Variants in CSMD1 observed in about 807,000 individuals in gnomAD.
CSMD1 encodes CUB and Sushi multiple domains 1.
In CSMD1, 213 loss-of-function variants were observed where a neutral mutation model predicts 417.5. The ratio of observed to expected loss-of-function variants is 0.51; its 90% CI spans 0.46 to 0.57. The LOEUF (loss-of-function observed/expected upper bound fraction) is 0.57. Among genes scored for constraint, CSMD1 ranks in the 20% least tolerant of loss-of-function variants. The pLI is 0.00. For synonymous variants in CSMD1, 2,862 were observed against 1,736.8 expected, an observed-to-expected ratio of 1.65 and a Z score of -16.11; for missense variants, 6,923 against 4,529.7, an observed-to-expected ratio of 1.53 and a Z score of -15.17.
At chr8:3,252,320 C>T (rs920288176) in intron 26 of CSMD1, among the ~76,000 whole-genome samples, 1 of 152,134 alleles carries the variant, frequency 6.6e-6, no homozygotes, top group Non-Finnish European at 1.5e-5. Flanking sequence ...TTGGGATTAT[C>T]ACGTGGTTTT....
At chr8:4,714,849 T>A (rs758238308) in intron 1 of CSMD1, among the ~76,000 whole-genome samples, 1 of 152,208 alleles carries the variant, frequency 6.6e-6, no homozygotes. Context: ...TTGCTCCAAA[T>A]TCTTAAAACC....
intron 10 of CSMD1, among the ~76,000 whole-genome samples, chr8:3,509,769 T>C (rs1796986363): frequency 6.6e-6 from 1 of 152,340 alleles, no homozygotes; most frequent in East Asian, 1.9e-4. Context: ...CCAAGGGGTC[T>C]GCTTGATGCC....
At chr8:4,194,642 G>A (rs560128568) in intron 3 of CSMD1, among the ~76,000 whole-genome samples, 1 of 151,884 alleles carries the variant, frequency 6.6e-6, no homozygotes, top group Admixed American at 6.6e-5. Flanking sequence ...ACATTTTCTT[G>A]CAAGGAAAAT....
chr8:3,413,391 C>G (rs952712653), intron 12 of CSMD1, among the ~76,000 whole-genome samples: 1 of 152,094 alleles, frequency 6.6e-6, no homozygotes, highest in Non-Finnish European at 1.5e-5. Context: ...TTAGCTGATC[C>G]CACCAAAGAG....
Position 3,406,219 on chromosome 8 carries a change from A to C in CSMD1, c.2074T>G (p.Phe692Val), listed in dbSNP as rs752091701. The change falls in exon 15 of 70, where the codon TTT becomes GTT. Residue 692 changes from phenylalanine to valine, a missense_variant and splice_region_variant. Physicochemically the swap from Phe to Val is conservative, Grantham distance 50. Coordinates refer to ENST00000635120, the MANE Select transcript of CSMD1 (RefSeq NM_033225.6). The part of the protein sequence containing the change: ...GRGFNITYTT[F>V]GQNECHDPGI... ...GGATCATGGCACTCATTCTGACCAA[A>C]TGCTGAAAGAAAAAGAAGAAGAAAA... 9 of 1,592,314 alleles carry C rather than the reference A, an allele frequency of 5.7e-6. No homozygotes were observed. The highest frequency in any genetic ancestry group is 2.3e-5 in the East Asian group (1 of 44,336).
intron 37 of CSMD1, among the ~76,000 whole-genome samples, chr8:3,168,560 G>C (rs1820377384): frequency 6.6e-6 from 1 of 151,868 alleles, no homozygotes. Context: ...CATGATTATA[G>C]ACAGCTATAA....
At chr8:3,901,593 C>G (rs1231473836) in intron 5 of CSMD1, among the ~76,000 whole-genome samples, 2 of 152,188 alleles carry the variant, frequency 1.3e-5, no homozygotes, top group African/African-American at 4.8e-5. Context: ...CCTTGGGGCT[C>G]AGATCTTTTG....
intron 1 of CSMD1, among the ~76,000 whole-genome samples, chr8:4,784,353 G>A (rs994822587): frequency 6.6e-6 from 1 of 152,158 alleles, no homozygotes; most frequent in African/African-American, 2.4e-5. Context: ...AATTCCCCCT[G>A]CAGGGTCATT....
intron 51 of CSMD1, among the ~76,000 whole-genome samples, chr8:3,024,891 G>A (rs893608615): frequency 6.6e-6 from 1 of 152,224 alleles, no homozygotes; most frequent in African/African-American, 2.4e-5. Context: ...GACAACTGTT[G>A]TTCGTACTGT....
intron 3 of CSMD1, among the ~76,000 whole-genome samples, chr8:4,131,647 A>G (rs914280423): frequency 1.6e-4 from 24 of 152,184 alleles, no homozygotes; most frequent in African/African-American, 5.8e-4. Flanking sequence ...GTTCTCAAGT[A>G]AATAAAACTT....
intron 3 of CSMD1, among the ~76,000 whole-genome samples, chr8:4,312,831 G>A (rs763003977): frequency 2.6e-4 from 39 of 152,198 alleles, no homozygotes; most frequent in Admixed American, 3.3e-4. Flanking sequence ...CTGAGATCGC[G>A]CCAGGCAAGG....
At chr8:4,830,004 G>C (rs143691038) in intron 1 of CSMD1, among the ~76,000 whole-genome samples, 10 of 152,102 alleles carry the variant, frequency 6.6e-5, no homozygotes, top group African/African-American at 1.9e-4. Context: ...CCGTGCTCTC[G>C]TGATGAACTG....
Position 3,770,967 on chromosome 8 carries a change from C to A in CSMD1, c.819-16925G>T, listed in dbSNP as rs956211828. On this transcript the variant is annotated intron_variant, in intron 5 of 69. Transcript: ENST00000635120. The stretch of plus-strand genomic sequence containing the variant: ...CAATAGGAGGTAAGCAGAAATTGCC[C>A]AGTGCATGTTAATTTGGACAGTTTC... Among the ~76,000 whole-genome samples the A allele has an allele frequency of 5.3e-5, 8 of 151,980 alleles. No individual in the cohort carries two copies. In the East Asian group the frequency reaches 1.5e-3, roughly 29 times the overall value.
intron 5 of CSMD1, among the ~76,000 whole-genome samples, chr8:3,813,222 G>C (rs556687241): frequency 2.0e-5 from 3 of 151,344 alleles, no homozygotes; most frequent in Non-Finnish European, 4.4e-5. Context: ...TAATAAAAAA[G>C]AGGGTGAAAT....
rs148747189 is a variant in CSMD1, at chr8:3,543,745, C to G, written c.1344+31200G>C. ...TTTAGACATGCTGTGTTTGAGATGT[C>G]TGTTGGACACTTAGTGGAGATGTCA... On this transcript the variant is annotated intron_variant, in intron 10 of 69. Coordinates refer to ENST00000635120, the MANE Select transcript of CSMD1 (RefSeq NM_033225.6). Among the ~76,000 whole-genome samples, 373 of 152,170 alleles carry G rather than the reference C, an allele frequency of 2.5e-3. 2 individuals are homozygous for G. The highest frequency in any genetic ancestry group is 3.8e-3 in the Non-Finnish European group (257 of 68,030).
At chr8:4,358,003 C>T (rs532840485) in intron 3 of CSMD1, among the ~76,000 whole-genome samples, 46 of 152,268 alleles carry the variant, frequency 3.0e-4, no homozygotes, top group African/African-American at 1.1e-3. Context: ...TCTCCCTCCC[C>T]TTCCCATGGA....
At chr8:3,759,232 A>G (rs907548164) in intron 5 of CSMD1, among the ~76,000 whole-genome samples, 6 of 152,224 alleles carry the variant, frequency 3.9e-5, no homozygotes, top group East Asian at 1.9e-4. Flanking sequence ...TATGTCAACC[A>G]TATCTCCATA....
At chr8:3,349,010 G>C (rs746610511) in intron 21 of CSMD1, among the ~76,000 whole-genome samples, 5 of 152,160 alleles carry the variant, frequency 3.3e-5, no homozygotes, top group African/African-American at 7.2e-5. Context: ...ACAGAGGTTT[G>C]TCTGTGCCAA....
chr8:3,555,046 C>A (rs909073476), intron 10 of CSMD1, among the ~76,000 whole-genome samples: 2 of 152,030 alleles, frequency 1.3e-5, no homozygotes, highest in Non-Finnish European at 2.9e-5. Context: ...GAGTCCTCCG[C>A]CAGGGAAGGC....
Sources: gnomAD v4.1 joint callset for allele counts (sites outside exome capture counted in the v4.1 genomes callset) on GRCh38, gnomAD v4.1.1 for gene constraint, MANE v1.5 for transcripts, NCBI Gene and HGNC (gene_info 2026-07-23, HGNC 2026-07-21) for gene names.